The following DNAH17 variants were observed in gnomAD, a reference collection of about 807,000 sequenced individuals.
The protein encoded by DNAH17 is dynein axonemal heavy chain 17.
DNAH17 carries 376 observed loss-of-function variants against 485.6 expected under a neutral mutation model. The ratio of observed to expected loss-of-function variants is 0.77; its 90% CI spans 0.71 to 0.84. The LOEUF is 0.84. Ranked by LOEUF, DNAH17 falls within the 40% of genes least tolerant of loss-of-function variation. The probability of loss-of-function intolerance (pLI) is 0.00; values close to 1 mark genes in which losing one functional copy is unlikely to be tolerated. For missense variants in DNAH17, 6,370 were observed against 5,839.3 expected, an observed-to-expected ratio of 1.09 and a Z score of -2.96; for synonymous variants, 3,031 against 2,405.9, an observed-to-expected ratio of 1.26 and a Z score of -7.60.
intron 71 of DNAH17, among the ~76,000 whole-genome samples, chr17:78,442,738 CCA>C (rs1470490617): frequency 6.6e-6 from 1 of 152,214 alleles, no homozygotes; most frequent in Non-Finnish European, 1.5e-5. Flanking sequence ...GTGCAACCGG[CCA>C]CAGAGGAAGC....
rs1326387348 is a variant in DNAH17, at chr17:78,501,763, C to T, written c.5301G>A (p.Val1767=). 1 of 1,613,578 alleles carries T rather than the reference C, an allele frequency of 6.2e-7. No individual in the cohort carries two copies. Among genetic ancestry groups the T allele is most frequent in the South Asian group, 1.1e-5 (1 of 91,088 alleles). ...ATGCCTTGGCCACGATCATTTTGGCCACCACGTCCCGTGCGTGCACATCGA... is the reference window on the plus strand; with the variant it reads ...ATGCCTTGGCCACGATCATTTTGGCTACCACGTCCCGTGCGTGCACATCGA... ...CTIDVHARDV[V]AKMIVAKVES... is the part of the protein sequence containing the mutation. Residue 1767 remains valine, a synonymous_variant, in exon 34 of 81, where the codon GTG becomes GTA. Transcript: ENST00000389840.
chr17:78,556,861 A>G (rs1295139645), intron 14 of DNAH17, among the ~76,000 whole-genome samples: 1 of 152,352 alleles, frequency 6.6e-6, no homozygotes. Context: ...ATGGTGCTAC[A>G]TGCAACAACA....
At chr17:78,570,878 A>AAAAAT in intron 6 of DNAH17, 70 bp downstream of exon 6, 2 of 735,098 alleles carry the variant, frequency 2.7e-6, no homozygotes, top group Non-Finnish European at 4.0e-6. Context: ...AAAAAAAAAA[A>AAAAAT]GAAAAAAGAA....
At chr17:78,485,914 CTG>C in intron 46 of DNAH17, 44 bp downstream of exon 46, 1 of 1,599,778 alleles carries the variant, frequency 6.3e-7, no homozygotes, top group Non-Finnish European at 8.5e-7. Flanking sequence ...GCACCGATTC[CTG>C]CCTCTAAATC....
chr17:78,506,598 T>C, intron 30 of DNAH17, 122 bp downstream of exon 30: 2 of 1,438,900 alleles, frequency 1.4e-6, no homozygotes, highest in African/African-American at 1.4e-5. Flanking sequence ...GAGGGCCTCC[T>C]GGAGATGATG....
In DNAH17 at chr17:78,494,152, C is replaced by T; in HGVS notation, c.6292G>A (p.Glu2098Lys). The change falls in exon 41 of 81, where the codon GAG becomes AAG. Residue 2098 changes from glutamate to lysine, a missense_variant. By Grantham distance (56) the Glu-to-Lys change is moderately conservative. Coordinates refer to ENST00000389840, the MANE Select transcript of DNAH17 (RefSeq NM_173628.4). ...CTGTCCTCCGCCTGCAGCTTGAGCT[C>T]CACGATGCTCTGCTTGATGATCTGG... ...FEKIIKQSIV[E>K]LKLQAEDSFV... The T allele has an allele frequency of 6.2e-7, 1 of 1,612,410 alleles. No individual in the cohort carries two copies. Among genetic ancestry groups the T allele is most frequent in the Non-Finnish European group, 8.5e-7 (1 of 1,179,726 alleles).
chr17:78,475,367 G>T lies in DNAH17; in HGVS notation c.8422C>A (p.Gln2808Lys). Reference protein sequence around the residue: ...LLVGVGGSGKQSLSRLAAYIS... With the variant: ...LLVGVGGSGKKSLSRLAAYIS... ...TACGCTGCCAGGCGGGAGAGGCTCT[G>T]TTTGCCACTGCCGCCCACCCCCACC... The change falls in exon 54 of 81, where the codon CAG becomes AAG. Residue 2808 changes from glutamine (Q) to lysine (K), a missense_variant. Physicochemically the swap from Gln to Lys is moderately conservative, Grantham distance 53. Transcript: ENST00000389840. 1 of 1,613,996 alleles carries T rather than the reference G, an allele frequency of 6.2e-7. No individual in the cohort carries two copies. Among genetic ancestry groups the T allele is most frequent in the Non-Finnish European group, 8.5e-7 (1 of 1,179,896 alleles).
At chr17:78,509,769 CACAG>C (rs1259672351) in intron 27 of DNAH17, among the ~76,000 whole-genome samples, 37 of 152,268 alleles carry the variant, frequency 2.4e-4, no homozygotes, top group African/African-American at 8.4e-4. Flanking sequence ...CAGACGGGAC[CACAG>C]ACAAAGACGC....
At chr17:78,478,436 A>G (rs1360748969) in intron 51 of DNAH17, among the ~76,000 whole-genome samples, 1 of 150,774 alleles carries the variant, frequency 6.6e-6, no homozygotes, top group Non-Finnish European at 1.5e-5. Flanking sequence ...CACCACCATC[A>G]TTACCAACAT....
intron 3 of DNAH17, 66 bp downstream of exon 3, chr17:78,572,635 G>C (rs2092376308): frequency 6.6e-6 from 9 of 1,370,766 alleles, no homozygotes; most frequent in Non-Finnish European, 8.8e-6. Flanking sequence ...GTGGGGTGGG[G>C]GGTGGGGGTC....
At position 78,444,519 on chromosome 17, in the gene DNAH17, CAG is replaced by C. The variant is rs1198184976; in HGVS notation, c.11528+83_11528+84del. ...AGTTCAGGGGATCAACTCAAGTCCA[CAG>C]AGAGTCTAGCACAGCCGCTCGGTCA... On this transcript the variant is annotated intron_variant, in intron 71 of 80. Transcript: ENST00000389840. 23 of 1,340,670 alleles carry C rather than the reference CAG, an allele frequency of 1.7e-5. No individual in the cohort carries two copies. In the East Asian group the frequency reaches 3.8e-4, roughly 22 times the overall value. 83.0% of individuals were successfully genotyped at this position (1,340,670 alleles called of 1,614,324 possible). A position where few individuals can be genotyped will look rare whatever the true frequency, so the allele number is the denominator to read the frequency against.
intron 25 of DNAH17, 105 bp from the exon 26 acceptor site, chr17:78,515,127 G>A (rs1316657701): frequency 8.8e-6 from 12 of 1,355,966 alleles, no homozygotes; most frequent in African/African-American, 1.4e-5. Context: ...AAAGCCCAGT[G>A]AGGAATATTT....
chr17:78,562,319 C>T (rs1321582203), intron 11 of DNAH17, among the ~76,000 whole-genome samples: 2 of 152,170 alleles, frequency 1.3e-5, no homozygotes. Flanking sequence ...CACCATGGCT[C>T]ACACCTGTTA....
chr17:78,551,705 T>C (rs1343051187), intron 15 of DNAH17, 67 bp from the exon 16 acceptor site: 8 of 1,509,142 alleles, frequency 5.3e-6, no homozygotes, highest in African/African-American at 1.4e-5. Context: ...GGCTCAAGCT[T>C]GTAATCTCAG....
intron 36 of DNAH17, 25 bp from the exon 37 acceptor site, chr17:78,499,137 G>T: frequency 6.7e-7 from 1 of 1,503,688 alleles, no homozygotes; most frequent in East Asian, 2.5e-5. Flanking sequence ...ATGGAGAAAG[G>T]AAGAGCTGGG....
At chr17:78,487,374 A>T (rs1045410235) in intron 44 of DNAH17, among the ~76,000 whole-genome samples, 3 of 152,244 alleles carry the variant, frequency 2.0e-5, no homozygotes, top group Non-Finnish European at 4.4e-5. Flanking sequence ...CCAAATCAGC[A>T]TCTGCTGAAA....
chr17:78,468,991 T>C, intron 54 of DNAH17, 108 bp from the exon 55 acceptor site: 1 of 1,370,114 alleles, frequency 7.3e-7, no homozygotes, highest in African/African-American at 1.4e-5. Context: ...TGAGACGGAG[T>C]CTCGCTCTGT....
At position 78,445,550 on chromosome 17, in the gene DNAH17, AGAC is replaced by A; in HGVS notation, c.11334+5_11334+7del. 1 of 1,560,844 alleles carries A rather than the reference AGAC, an allele frequency of 6.4e-7. No individual in the cohort carries two copies. The highest frequency in any genetic ancestry group is 1.4e-5 in the African/African-American group (1 of 73,718). The stretch of plus-strand genomic sequence containing the variant: ...AAAGCACAACGTGTTCAACGTCTAA[AGAC>A]GAACCTTGATCCCGCCCCAGCCTTG... On this transcript the variant is annotated splice_donor_5th_base_variant and intron_variant, in intron 70 of 80. Transcript: ENST00000389840.
At position 78,450,313 on chromosome 17, in the gene DNAH17, G is replaced by C; in HGVS notation, c.10981C>G (p.Leu3661Val). ...TTGAGATCGTTCAGTATGAAGTAGAGCAGAGATGCCCTCTCCGCAGCCGGG... is the reference window on the plus strand; with the variant it reads ...TTGAGATCGTTCAGTATGAAGTAGACCAGAGATGCCCTCTCCGCAGCCGGG... The part of the protein sequence containing the change: ...YRPAAERASL[L>V]YFILNDLNKI... The change falls in exon 68 of 81, where the codon CTC becomes GTC. Residue 3661 changes from leucine to valine, a missense_variant. Leu to Val is a conservative substitution (Grantham distance 32). Transcript: ENST00000389840. 1.2e-6 allele frequency: 2 copies of C among 1,614,014 alleles called. No individual in the cohort carries two copies. Among genetic ancestry groups the C allele is most frequent in the Non-Finnish European group, 1.7e-6 (2 of 1,179,886 alleles).
Sources: allele counts gnomAD v4.1 joint callset (sites outside exome capture counted in the v4.1 genomes callset), GRCh38; gene constraint gnomAD v4.1.1; transcripts MANE v1.5; gene names NCBI Gene and HGNC (gene_info 2026-07-23, HGNC 2026-07-21).